The following FHIT variants were observed in gnomAD, a reference collection of about 807,000 sequenced individuals.
FHIT encodes fragile histidine triad diadenosine triphosphatase.
In FHIT, 19 loss-of-function variants were observed where a neutral mutation model predicts 17.9. The ratio of observed to expected loss-of-function variants is 1.06; its 90% CI spans 0.74 to 1.56. FHIT has a LOEUF of 1.56. Among genes scored for constraint, FHIT ranks in the 40% most tolerant of loss-of-function variants. The probability of loss-of-function intolerance (pLI) is 0.00; values close to 1 mark genes in which losing one functional copy is unlikely to be tolerated. For missense variants in FHIT, 248 were observed against 189.2 expected (o/e 1.31, Z -1.82); for synonymous variants, 81 against 69.7 (o/e 1.16, Z -0.81).
intron 4 of FHIT, among the ~76,000 whole-genome samples, chr3:60,554,122 AC>A (rs1434831968): frequency 6.6e-6 from 1 of 152,142 alleles, no homozygotes; most frequent in Non-Finnish European, 1.5e-5. Context: ...TCAGGGAAAG[AC>A]AGAAACCTGA....
At chr3:60,022,934 G>T (rs1323113430) in intron 5 of FHIT, among the ~76,000 whole-genome samples, 1 of 152,150 alleles carries the variant, frequency 6.6e-6, no homozygotes, top group African/African-American at 2.4e-5. Flanking sequence ...TATTGTCCTA[G>T]AGATATACAG....
rs534773926 is a variant in FHIT at position 61,195,011 on chromosome 3, G to C, written c.-164+5606C>G. On this transcript the variant is annotated intron_variant, in intron 2 of 9. Coordinates refer to ENST00000492590, the MANE Select transcript of FHIT (RefSeq NM_002012.4). ...GCAAGGGGCGAGGGGGGTGGTTAGT[G>C]GGGGGTGTGATAGTGGGGGAAGTGG... is the stretch of plus-strand genomic sequence containing the variant. Among the ~76,000 whole-genome samples the C allele has an allele frequency of 1.3e-4, 19 of 147,910 alleles. No homozygotes were observed. The South Asian group carries it at 3.7e-3, about 29-fold the overall frequency.
chr3:60,625,549 T>A (rs1306847936), intron 4 of FHIT, among the ~76,000 whole-genome samples: 1 of 152,204 alleles, frequency 6.6e-6, no homozygotes, highest in Admixed American at 6.5e-5. Flanking sequence ...ATTGGTCATC[T>A]GTATATCTTC....
intron 4 of FHIT, among the ~76,000 whole-genome samples, chr3:60,612,051 A>G (rs1318425799): frequency 6.6e-6 from 1 of 152,104 alleles, no homozygotes; most frequent in Non-Finnish European, 1.5e-5. Context: ...ATGATGCTCA[A>G]TCACTGAACT....
chr3:60,663,476 C>T (rs1171142106), intron 4 of FHIT, among the ~76,000 whole-genome samples: 1 of 151,726 alleles, frequency 6.6e-6, no homozygotes, highest in Non-Finnish European at 1.5e-5. Context: ...ACTCTTGTTG[C>T]CCAGGCTGGA....
chr3:60,418,637 G>A (rs1413244935), intron 5 of FHIT, among the ~76,000 whole-genome samples: 1 of 132,956 alleles, frequency 7.5e-6, no homozygotes, highest in Non-Finnish European at 1.5e-5. Flanking sequence ...TATTTGCTTA[G>A]TCTAGCAAAG....
intron 1 of FHIT, among the ~76,000 whole-genome samples, chr3:61,224,425 T>C (rs12486043): frequency 0.075 from 11,410 of 152,194 alleles, 1,109 homozygotes; most frequent in East Asian, 0.41. Flanking sequence ...TATTTTATTT[T>C]ATTTTATTGA....
At chr3:60,681,322 C>A (rs2040743275) in intron 4 of FHIT, among the ~76,000 whole-genome samples, 1 of 152,100 alleles carries the variant, frequency 6.6e-6, no homozygotes, top group Non-Finnish European at 1.5e-5. Flanking sequence ...TGAACTTTAT[C>A]AGTAAATGTT....
At chr3:60,830,970 T>C (rs1553742375) in intron 3 of FHIT, among the ~76,000 whole-genome samples, 1 of 152,228 alleles carries the variant, frequency 6.6e-6, no homozygotes, top group Non-Finnish European at 1.5e-5. Context: ...GTAAATACTG[T>C]GCAGCTTGCT....
At chr3:60,955,611 T>TATATACACATATATATATATATAC (rs1553778525) in intron 3 of FHIT, among the ~76,000 whole-genome samples, 1 of 16,896 alleles carries the variant, frequency 5.9e-5, no homozygotes, top group African/African-American at 1.2e-4. Context: ...TATATATATA[T>TATATACACATATATATATATATAC]ATATATATAT....
chr3:60,639,326 G>A (rs782596978), intron 4 of FHIT, among the ~76,000 whole-genome samples: 8 of 151,972 alleles, frequency 5.3e-5, no homozygotes, highest in South Asian at 2.1e-4. Flanking sequence ...TACTCCTAAC[G>A]TAATTTCCCC....
chr3:61,140,273 T>G (rs193165688), intron 2 of FHIT, among the ~76,000 whole-genome samples: 1 of 152,266 alleles, frequency 6.6e-6, no homozygotes, highest in Non-Finnish European at 1.5e-5. Context: ...TGATGTCTGC[T>G]TTTACTATGA....
At chr3:60,382,456 T>C (rs993066777) in intron 5 of FHIT, among the ~76,000 whole-genome samples, 3 of 152,208 alleles carry the variant, frequency 2.0e-5, no homozygotes, top group Non-Finnish European at 2.9e-5. Context: ...GTAATCACAA[T>C]CTGGGTCTAA....
chr3:60,172,664 G>C (rs1300193343), intron 5 of FHIT, among the ~76,000 whole-genome samples: 1 of 152,154 alleles, frequency 6.6e-6, no homozygotes, highest in Admixed American at 6.5e-5. Context: ...AGCAGGAACA[G>C]AGACCCTGTA....
At chr3:60,055,728 C>A (rs116041030) in intron 5 of FHIT, among the ~76,000 whole-genome samples, 28 of 152,248 alleles carry the variant, frequency 1.8e-4, no homozygotes, top group Non-Finnish European at 3.1e-4. Context: ...TATAGGGATG[C>A]AAACTTTAGC....
At chr3:59,752,079 T>C in intron 9 of FHIT, 142 bp downstream of exon 9, 2 of 566,972 alleles carry the variant, frequency 3.5e-6, no homozygotes, top group Non-Finnish European at 6.2e-6. Context: ...GCCAGGGTTT[T>C]CTCCCCTCCA....
intron 2 of FHIT, among the ~76,000 whole-genome samples, chr3:61,147,951 A>G (rs2037274428): frequency 1.3e-5 from 2 of 151,974 alleles, no homozygotes. Context: ...TGTAATTTCA[A>G]AAATGAACTT....
intron 5 of FHIT, among the ~76,000 whole-genome samples, chr3:60,440,859 A>G (rs2594247): frequency 0.96 from 145,955 of 152,136 alleles, 70,290 homozygotes; most frequent in East Asian, 1. Context: ...CAACCAAAGT[A>G]CAAATAACAT....
intron 4 of FHIT, among the ~76,000 whole-genome samples, chr3:60,672,845 T>G (rs1487962439): frequency 6.6e-6 from 1 of 150,456 alleles, no homozygotes; most frequent in Non-Finnish European, 1.5e-5. Flanking sequence ...TATACCACTA[T>G]TAGGGTTTTT....
Sources: gnomAD v4.1 joint callset for allele counts (sites outside exome capture counted in the v4.1 genomes callset) on GRCh38, gnomAD v4.1.1 for gene constraint, MANE v1.5 for transcripts, NCBI Gene and HGNC (gene_info 2026-07-23, HGNC 2026-07-21) for gene names.